The following DNASE1 variants were observed in gnomAD, a reference collection of about 807,000 sequenced individuals.
DNASE1 encodes deoxyribonuclease-1.
In DNASE1, 40 loss-of-function variants were observed where a neutral mutation model predicts 33.9. The observed-to-expected ratio is 1.18, with a 90% CI of 0.92 to 1.54. The LOEUF is 1.54. Ranked by LOEUF, DNASE1 falls within the 40% of genes most tolerant of loss-of-function variation. The pLI, the probability that DNASE1 is intolerant of heterozygous loss-of-function variation, is 0.00. For missense variants in DNASE1, 518 were observed against 372.6 expected (o/e 1.39, Z -3.21); for synonymous variants, 216 against 160.0 (o/e 1.35, Z -2.64).
At position 3,663,511 on chromosome 16, in the gene DNASE1, C is replaced by T. The variant is rs746933204; in HGVS notation, c.*5558C>T. 7 of 1,614,148 alleles carry T rather than the reference C, an allele frequency of 4.3e-6. No individual in the cohort carries two copies. The Admixed American group carries it at 8.3e-5, about 19-fold the overall frequency. On this transcript the variant is annotated 3_prime_UTR_variant, in exon 10 of 10. Coordinates refer to the DNASE1 transcript ENST00000407479. ...GAGATCAGCTTCTTCTTGTCAAACT[C>T]ACGAAGGTGCAGCAGGGTGAGCTCA...
rs1351492887 is a variant in DNASE1, at chr16:3,664,439, C to T, written c.*6486C>T. 7.4e-6 allele frequency: 12 copies of T among 1,611,686 alleles called. No homozygotes were observed. In the Admixed American group the frequency reaches 1.5e-4, roughly 20 times the overall value. Reference sequence around the variant, plus strand: ...AGGGCAGCGCCGAGGACTCGTAGCGCAGCAGCTTTGCTATGTCCTCCTAGA... The same window carrying T: ...AGGGCAGCGCCGAGGACTCGTAGCGTAGCAGCTTTGCTATGTCCTCCTAGA... On this transcript the variant is annotated 3_prime_UTR_variant, in exon 10 of 10. Transcript: ENST00000407479.
chr16:3,661,809 C>G (rs2043091841), downstream of DNASE1: 1 of 724,966 alleles, frequency 1.4e-6, no homozygotes, highest in African/African-American at 1.8e-5. Context: ...TGGTAAGGGG[C>G]TGGCCAGGTT....
intron 1 of DNASE1, among the ~76,000 whole-genome samples, chr16:3,619,552 A>G (rs554611861): frequency 5.9e-4 from 87 of 148,406 alleles, no homozygotes; most frequent in African/African-American, 1.7e-3. Flanking sequence ...TAGTAGAGAC[A>G]GGGTTTCACC....
chr16:3,655,658 C>T (rs2042557540), intron 2 of DNASE1, 138 bp downstream of exon 2: 26 of 1,464,542 alleles, frequency 1.8e-5, no homozygotes, highest in Non-Finnish European at 2.1e-5. Context: ...GTGGAACAGG[C>T]TCTTGGCTGT....
chr16:3,656,283 A>T (rs1436595494), intron 4 of DNASE1, 98 bp downstream of exon 4: 7 of 1,309,904 alleles, frequency 5.3e-6, no homozygotes, highest in East Asian at 2.3e-5. Context: ...CTATGGCAAG[A>T]ACCTGAGGCT....
At chr16:3,642,499 C>A (rs1205931470), upstream of DNASE1, among the ~76,000 whole-genome samples, 1 of 152,128 alleles carries the variant, frequency 6.6e-6, no homozygotes, top group Non-Finnish European at 1.5e-5. Flanking sequence ...GGCTCCAGAG[C>A]AGAAGGCCCC....
Position 3,655,936 on chromosome 16 carries a change from CAGTG to C in DNASE1, c.236_236+3del. Reference sequence around the variant, plus strand: ...GGGGAAGCTGCTGGACAACCTCAATCAGTGGGTGACAGTGGCAGGGTCATAGGAA... The same window carrying C: ...GGGGAAGCTGCTGGACAACCTCAATCGGTGACAGTGGCAGGGTCATAGGAA... On this transcript the variant is annotated splice_donor_variant and splice_donor_region_variant and coding_sequence_variant and intron_variant, in exon 3 of 9. Transcript: ENST00000246949. LOFTEE classifies it high-confidence loss of function. 1.9e-6 allele frequency: 3 copies of C among 1,613,678 alleles called. No individual in the cohort carries two copies. The highest frequency in any genetic ancestry group is 1.1e-5 in the South Asian group (1 of 91,072).
chr16:3,627,748 C>T (rs925042878), intron 1 of DNASE1, among the ~76,000 whole-genome samples: 13 of 152,184 alleles, frequency 8.5e-5, no homozygotes, highest in African/African-American at 3.1e-4. Flanking sequence ...GGGCTGTCAA[C>T]TCTATTCCAA....
At chr16:3,647,114 A>G (rs574476961) in intron 1 of DNASE1, among the ~76,000 whole-genome samples, 1 of 152,282 alleles carries the variant, frequency 6.6e-6, no homozygotes, top group South Asian at 2.1e-4. Context: ...CGGTGTTTCT[A>G]AGATGGAAAC....
chr16:3,639,460 G>A (rs951014898), upstream of DNASE1, among the ~76,000 whole-genome samples: 4 of 152,104 alleles, frequency 2.6e-5, no homozygotes, highest in East Asian at 1.9e-4. Context: ...CTGTGTTAGC[G>A]TCCTCGCACG....
chr16:3,633,603 C>T (rs912628609), intron 1 of DNASE1, among the ~76,000 whole-genome samples: 2 of 147,592 alleles, frequency 1.4e-5, no homozygotes, highest in African/African-American at 5.0e-5. Flanking sequence ...AGCGAGACTC[C>T]ATCTCAAGAG....
downstream of DNASE1, chr16:3,659,165 TAAAAG>T (rs1376840985): frequency 8.6e-5 from 26 of 303,390 alleles, no homozygotes; most frequent in East Asian, 9.1e-4. Context: ...AGATAAATAA[TAAAAG>T]AGAAGGGAGT....
At chr16:3,650,923 G>A (rs1463878976), upstream of DNASE1, 1 of 152,212 alleles carries the variant, frequency 6.6e-6, no homozygotes, top group East Asian at 1.9e-4. Flanking sequence ...TATAAAGCAA[G>A]GTAACGTTAA....
chr16:3,638,986 G>A (rs1188226071), upstream of DNASE1, among the ~76,000 whole-genome samples: 1 of 152,128 alleles, frequency 6.6e-6, no homozygotes, highest in Non-Finnish European at 1.5e-5. Context: ...TCATGCTCAT[G>A]TTTCCCTTTA....
chr16:3,654,381 T>C (rs1220912911), upstream of DNASE1: 4 of 398,628 alleles, frequency 1.0e-5, no homozygotes, highest in Admixed American at 8.8e-5. Flanking sequence ...CAGAGTTGCC[T>C]GCACCTGATG....
intron 1 of DNASE1, among the ~76,000 whole-genome samples, chr16:3,632,855 G>C (rs987275409): frequency 1.1e-4 from 17 of 152,116 alleles, no homozygotes; most frequent in African/African-American, 4.1e-4. Context: ...CAAAGTGCTG[G>C]TATTACAGGA....
downstream of DNASE1, chr16:3,662,083 A>G (rs775116992): frequency 6.2e-7 from 1 of 1,613,006 alleles, no homozygotes; most frequent in Non-Finnish European, 8.5e-7. Context: ...GGCAGCCCCC[A>G]TCTCCAGCAC....
At chr16:3,659,116 C>T (rs560940187), downstream of DNASE1, 1 of 433,490 alleles carries the variant, frequency 2.3e-6, no homozygotes, top group African/African-American at 2.0e-5. Context: ...ACTAAAGGGA[C>T]AAAAGGAGCT....
At chr16:3,639,157 C>G (rs923602210), upstream of DNASE1, among the ~76,000 whole-genome samples, 1 of 152,242 alleles carries the variant, frequency 6.6e-6, no homozygotes, top group African/African-American at 2.4e-5. Flanking sequence ...CGTCTCAACT[C>G]TAAATCCACC....
Sources: gnomAD v4.1 joint callset for allele counts (sites outside exome capture counted in the v4.1 genomes callset) on GRCh38, gnomAD v4.1.1 for gene constraint, MANE v1.5 for transcripts, NCBI Gene and HGNC (gene_info 2026-07-23, HGNC 2026-07-21) for gene names.